Variants in NRG1 observed in about 807,000 individuals in gnomAD.
NRG1 encodes pro-neuregulin-1, membrane-bound isoform.
A neutral mutation model predicts 63.8 loss-of-function variants in NRG1; 18 were observed. That is an observed-to-expected ratio of 0.28 (90% CI 0.19 to 0.42). The LOEUF (loss-of-function observed/expected upper bound fraction) is 0.42, where lower values mean the gene tolerates loss of function less well. Among genes scored for constraint, NRG1 ranks in the 10% least tolerant of loss-of-function variants. The pLI is 1.00. For missense variants in NRG1, 762 were observed against 814.7 expected, an observed-to-expected ratio of 0.94 and a Z score of 0.79; for synonymous variants, 302 against 301.3, an observed-to-expected ratio of 1.00 and a Z score of -0.02.
At chr8:32,143,246 G>C (rs1010597309) in intron 1 of NRG1, among the ~76,000 whole-genome samples, 3 of 151,738 alleles carry the variant, frequency 2.0e-5, no homozygotes, top group Non-Finnish European at 4.4e-5. Context: ...TTTTTTTTGG[G>C]GGGGGAAGAA....
intron 1 of NRG1, among the ~76,000 whole-genome samples, chr8:31,957,276 T>C (rs1804613012): frequency 6.6e-6 from 1 of 152,032 alleles, no homozygotes; most frequent in Admixed American, 6.6e-5. Flanking sequence ...CAATTTTTAC[T>C]GTAACACACA....
intron 1 of NRG1, among the ~76,000 whole-genome samples, chr8:32,462,778 A>ATTTTATT (rs1822486746): frequency 1.3e-5 from 2 of 151,502 alleles, no homozygotes; most frequent in Non-Finnish European, 2.9e-5. Flanking sequence ...TAACTTTTAT[A>ATTTTATT]TTTTGGGTAG....
At chr8:32,688,498 A>T (rs1810766681) in intron 5 of NRG1, among the ~76,000 whole-genome samples, 1 of 152,160 alleles carries the variant, frequency 6.6e-6, no homozygotes, top group South Asian at 2.1e-4. Context: ...CTTATGATCA[A>T]ATCATCATTA....
intron 1 of NRG1, among the ~76,000 whole-genome samples, chr8:32,382,060 T>C (rs1039325644): frequency 1.3e-5 from 2 of 152,186 alleles, no homozygotes; most frequent in Non-Finnish European, 2.9e-5. Flanking sequence ...AAATTCACTA[T>C]AAGTTCTTAG....
chr8:32,568,496 C>T (rs1474684734), intron 1 of NRG1, among the ~76,000 whole-genome samples: 1 of 152,144 alleles, frequency 6.6e-6, no homozygotes, highest in Non-Finnish European at 1.5e-5. Context: ...CCAAGTACTT[C>T]AAATGATAGA....
At chr8:32,111,133 T>C (rs982043350) in intron 1 of NRG1, among the ~76,000 whole-genome samples, 1 of 152,134 alleles carries the variant, frequency 6.6e-6, no homozygotes, top group Admixed American at 6.6e-5. Context: ...CTTTTTATTT[T>C]TGAGACAGAG....
At chr8:32,234,809 T>C (rs1044651951) in intron 1 of NRG1, among the ~76,000 whole-genome samples, 1 of 152,132 alleles carries the variant, frequency 6.6e-6, no homozygotes, top group Non-Finnish European at 1.5e-5. Context: ...GCTTTGATAT[T>C]ATATTTGCTT....
intron 1 of NRG1, among the ~76,000 whole-genome samples, chr8:32,413,235 T>C (rs1459951709): frequency 6.6e-6 from 1 of 152,216 alleles, no homozygotes; most frequent in Non-Finnish European, 1.5e-5. Flanking sequence ...AATAGGCGAT[T>C]GGTTAAATGT....
At chr8:31,982,913 C>G (rs1249419980) in intron 1 of NRG1, among the ~76,000 whole-genome samples, 1 of 152,012 alleles carries the variant, frequency 6.6e-6, no homozygotes, top group Non-Finnish European at 1.5e-5. Flanking sequence ...GCCGAGTAAT[C>G]AGTGCCAGTT....
intron 8 of NRG1, among the ~76,000 whole-genome samples, chr8:32,755,731 T>G (rs934403333): frequency 3.6e-4 from 55 of 151,272 alleles, no homozygotes; most frequent in African/African-American, 1.2e-3. Context: ...GAAATCACTC[T>G]TATAAATTCT....
intron 1 of NRG1, among the ~76,000 whole-genome samples, chr8:31,982,636 C>T (rs963049395): frequency 6.6e-6 from 1 of 152,004 alleles, no homozygotes; most frequent in Non-Finnish European, 1.5e-5. Context: ...TATGAAGGTC[C>T]ATTTTTGTGA....
At chr8:31,977,571 A>G (rs977703631) in intron 1 of NRG1, among the ~76,000 whole-genome samples, 24 of 152,004 alleles carry the variant, frequency 1.6e-4, no homozygotes, top group African/African-American at 5.8e-4. Flanking sequence ...CTATTTTTTC[A>G]TATCTGCAAA....
At chr8:31,979,904 G>A (rs1341363399) in intron 1 of NRG1, among the ~76,000 whole-genome samples, 2 of 151,972 alleles carry the variant, frequency 1.3e-5, no homozygotes, top group Admixed American at 6.6e-5. Flanking sequence ...CATCTGATTG[G>A]AATCAGTGGC....
chr8:32,677,858 G>A (rs543241769), intron 5 of NRG1, among the ~76,000 whole-genome samples: 1 of 152,220 alleles, frequency 6.6e-6, no homozygotes, highest in African/African-American at 2.4e-5. Flanking sequence ...AAAGTCAAGA[G>A]TAAGCACATT....
At position 32,562,475 on chromosome 8, in the gene NRG1, C is replaced by T. The variant is rs146556531; in HGVS notation, c.100+13649C>T. On this transcript the variant is annotated intron_variant, in intron 1 of 11. Coordinates refer to ENST00000356819, the Ensembl canonical transcript of NRG1. ...TGCTGCCCAAGCTGGTCTAGAACTT[C>T]TGGGCTCAAGGAGTCCTTCCACCTT... 1.0e-3 allele frequency among the ~76,000 whole-genome samples: 157 copies of T among 152,154 alleles called. 1 individual carries two copies. The highest frequency in any genetic ancestry group is 3.6e-3 in the African/African-American group (151 of 41,510).
chr8:31,931,156 A>G (rs1285282075), intron 1 of NRG1, among the ~76,000 whole-genome samples: 1 of 152,076 alleles, frequency 6.6e-6, no homozygotes, highest in East Asian at 1.9e-4. Flanking sequence ...ATGGGCTACT[A>G]TTGCTTTCTC....
At chr8:32,337,343 T>TGG (rs1053217490) in intron 1 of NRG1, among the ~76,000 whole-genome samples, 1 of 152,080 alleles carries the variant, frequency 6.6e-6, no homozygotes, top group Non-Finnish European at 1.5e-5. Context: ...GGCTATTGAA[T>TGG]GACCAGGTGG....
intron 1 of NRG1, among the ~76,000 whole-genome samples, chr8:32,477,230 C>T (rs1824638336): frequency 6.6e-6 from 1 of 152,172 alleles, no homozygotes; most frequent in African/African-American, 2.4e-5. Flanking sequence ...AGGAGGCTCT[C>T]ATTCTGGAAA....
intron 1 of NRG1, among the ~76,000 whole-genome samples, chr8:32,038,840 A>T (rs1437509767): frequency 6.6e-6 from 1 of 152,098 alleles, no homozygotes; most frequent in Non-Finnish European, 1.5e-5. Flanking sequence ...CTGTTGTTCA[A>T]ATTCATTTTG....
Sources: gnomAD v4.1 joint callset for allele counts (sites outside exome capture counted in the v4.1 genomes callset) on GRCh38, gnomAD v4.1.1 for gene constraint, MANE v1.5 for transcripts, NCBI Gene and HGNC (gene_info 2026-07-23, HGNC 2026-07-21) for gene names.